Variants in ZCCHC2 observed in about 807,000 individuals in gnomAD.
ZCCHC2 encodes the protein zinc finger CCHC-type containing 2.
In ZCCHC2, 39 loss-of-function variants were observed where a neutral mutation model predicts 103.6. That is an observed-to-expected ratio of 0.38 (90% CI 0.29 to 0.49). The LOEUF (loss-of-function observed/expected upper bound fraction) is 0.49, where lower values mean the gene tolerates loss of function less well. ZCCHC2 is among the 20% of genes least tolerant of loss of function. The pLI, the probability that ZCCHC2 is intolerant of heterozygous loss-of-function variation, is 0.96. For missense variants in ZCCHC2, 1,483 were observed against 1,491.0 expected (o/e 0.99, Z 0.09); for synonymous variants, 687 against 608.9 (o/e 1.13, Z -1.89).
At chr18:62,528,470 A>AT (rs1459245898) in intron 1 of ZCCHC2, among the ~76,000 whole-genome samples, 1 of 152,122 alleles carries the variant, frequency 6.6e-6, no homozygotes, top group Non-Finnish European at 1.5e-5. Flanking sequence ...ATGGTGGCAC[A>AT]TGCCTGTAGT....
intron 14 of ZCCHC2, among the ~76,000 whole-genome samples, chr18:62,584,293 C>T (rs1598975183): frequency 6.6e-6 from 1 of 152,150 alleles, no homozygotes; most frequent in South Asian, 2.1e-4. Flanking sequence ...AGACCCTTCA[C>T]GCAGTCACCT....
intron 1 of ZCCHC2, among the ~76,000 whole-genome samples, chr18:62,539,007 ATGT>A: frequency 7.3e-6 from 1 of 136,280 alleles, no homozygotes; most frequent in Non-Finnish European, 1.6e-5. Context: ...ACTTAATATG[ATGT>A]TGTAACAGTT....
At chr18:62,563,397 G>A (rs1052373679) in intron 9 of ZCCHC2, among the ~76,000 whole-genome samples, 9 of 152,168 alleles carry the variant, frequency 5.9e-5, no homozygotes, top group African/African-American at 1.7e-4. Flanking sequence ...CATGGGTCAC[G>A]CTTCTAATCC....
intron 11 of ZCCHC2, among the ~76,000 whole-genome samples, chr18:62,569,554 G>A (rs1199015397): frequency 6.6e-6 from 1 of 151,586 alleles, no homozygotes; most frequent in African/African-American, 2.4e-5. Flanking sequence ...TACACCGATA[G>A]TCCCTCCTTA....
At chr18:62,551,013 T>C (rs1006249201) in intron 5 of ZCCHC2, among the ~76,000 whole-genome samples, 7 of 152,144 alleles carry the variant, frequency 4.6e-5, no homozygotes, top group African/African-American at 1.7e-4. Flanking sequence ...GAGGAAGAAA[T>C]TGAAGACACA....
chr18:62,554,587 G>A (rs1915803127), intron 5 of ZCCHC2, among the ~76,000 whole-genome samples: 1 of 152,180 alleles, frequency 6.6e-6, no homozygotes. Flanking sequence ...TGGTTTAAAT[G>A]TAATACTCAG....
At chr18:62,548,424 G>A (rs1394588788) in intron 4 of ZCCHC2, among the ~76,000 whole-genome samples, 2 of 152,126 alleles carry the variant, frequency 1.3e-5, no homozygotes, top group African/African-American at 2.4e-5. Flanking sequence ...ATAGTTATAC[G>A]CTGTTGCCTT....
chr18:62,523,381 TCCCG>T lies in ZCCHC2; in HGVS notation c.-36_-33del. The stretch of plus-strand genomic sequence containing the variant: ...GGCCCGTGCTCCACCTCGCGGCCCC[TCCCG>T]CCCGCCCCCGCTCGCATGTCTGCGC... On this transcript the variant is annotated 5_prime_UTR_variant, in exon 1 of 14. Coordinates refer to ENST00000269499, the MANE Select transcript of ZCCHC2 (RefSeq NM_017742.6). The T allele has an allele frequency of 2.7e-5, 5 of 185,834 alleles. No homozygotes were observed. The highest frequency in any genetic ancestry group is 3.4e-5 in the Non-Finnish European group (5 of 149,024). The allele number at this position is 185,834 out of a possible 1,614,324, so 11.5% of individuals were successfully genotyped here.
intron 6 of ZCCHC2, among the ~76,000 whole-genome samples, chr18:62,557,013 C>T (rs1915913742): frequency 6.6e-6 from 1 of 152,198 alleles, no homozygotes; most frequent in Non-Finnish European, 1.5e-5. Context: ...TGCCCTGTGT[C>T]TTTGCTCATT....
downstream of ZCCHC2, among the ~76,000 whole-genome samples, chr18:62,580,234 G>T (rs767889485): frequency 2.0e-5 from 3 of 152,116 alleles, no homozygotes; most frequent in Non-Finnish European, 4.4e-5. Context: ...TTGTGGGGAA[G>T]AATATAGATA....
chr18:62,530,497 G>C (rs1914630194), intron 1 of ZCCHC2, among the ~76,000 whole-genome samples: 1 of 151,736 alleles, frequency 6.6e-6, no homozygotes, highest in African/African-American at 2.4e-5. Context: ...AACCTGCAGT[G>C]TTTTCAGGAA....
intron 1 of ZCCHC2, among the ~76,000 whole-genome samples, chr18:62,537,367 G>A (rs557894694): frequency 7.2e-5 from 11 of 152,196 alleles, no homozygotes; most frequent in South Asian, 2.1e-4. Flanking sequence ...CGATAGGATC[G>A]TGCAGTGTCG....
chr18:62,538,666 A>G (rs1450764836), intron 1 of ZCCHC2, among the ~76,000 whole-genome samples: 1 of 152,200 alleles, frequency 6.6e-6, no homozygotes, highest in Non-Finnish European at 1.5e-5. Context: ...GACAGACTAG[A>G]AGGCAGAAGT....
intron 4 of ZCCHC2, among the ~76,000 whole-genome samples, chr18:62,546,829 C>T (rs1915433691): frequency 6.6e-6 from 1 of 152,192 alleles, no homozygotes; most frequent in Admixed American, 6.5e-5. Context: ...GTAATTCACT[C>T]TTCAGAATCA....
intron 5 of ZCCHC2, among the ~76,000 whole-genome samples, chr18:62,555,622 G>A (rs1049842449): frequency 3.9e-5 from 6 of 152,118 alleles, no homozygotes; most frequent in South Asian, 2.1e-4. Context: ...TAGCCTGACC[G>A]ACATGGTGAA....
At position 62,574,449 on chromosome 18, in the gene ZCCHC2, G is replaced by A; in HGVS notation, c.2368G>A (p.Ala790Thr). 1.2e-6 allele frequency: 2 copies of A among 1,613,930 alleles called. No homozygotes were observed. Among genetic ancestry groups the A allele is most frequent in the Non-Finnish European group, 1.7e-6 (2 of 1,179,888 alleles). ...GESEKHLELL[A>T]SPLPIPSTFL... ...ATCGGAAAAGCACCTTGAGTTACTG[G>A]CTTCCCCTTTACCTATTCCATCAAC... The change falls in exon 13 of 14, where the codon GCT (alanine) becomes ACT (threonine). Residue 790 changes from alanine to threonine, a missense_variant. Transcript: ENST00000269499.
chr18:62,524,249 C>T lies in ZCCHC2; in HGVS notation c.825C>T (p.His275=). The T allele has an allele frequency of 1.3e-6, 2 of 1,550,206 alleles. No homozygotes were observed. Among genetic ancestry groups the T allele is most frequent in the Non-Finnish European group, 1.7e-6 (2 of 1,146,714 alleles). ...CGCTGCACCCGGCTTTCTCCTTCCA[C>T]CAGCGGGTCACCCTGAGGGAACACT... ...MASLHPAFSF[H]QRVTLREHLE... The change falls in exon 1 of 14, where the codon CAC becomes CAT. Residue 275 remains histidine (H), a synonymous_variant. Transcript: ENST00000269499.
At chr18:62,538,738 T>G (rs1915041717) in intron 1 of ZCCHC2, among the ~76,000 whole-genome samples, 1 of 152,202 alleles carries the variant, frequency 6.6e-6, no homozygotes, top group Non-Finnish European at 1.5e-5. Context: ...ATACTTACTG[T>G]CGGGTCGGGA....
chr18:62,551,550 A>G (rs1037810819), intron 5 of ZCCHC2: 3 of 152,872 alleles, frequency 2.0e-5, no homozygotes, highest in African/African-American at 7.2e-5. Context: ...GGTGAGTCTG[A>G]TAGAGTAGAA....
Sources: allele counts gnomAD v4.1 joint callset (sites outside exome capture counted in the v4.1 genomes callset), GRCh38; gene constraint gnomAD v4.1.1; transcripts MANE v1.5; gene names NCBI Gene and HGNC (gene_info 2026-07-23, HGNC 2026-07-21).